Variants in COL19A1 observed in about 807,000 individuals in gnomAD.
COL19A1 encodes the protein collagen alpha-1(XIX) chain.
Under a neutral mutation model 190.2 loss-of-function variants are expected in COL19A1, and 159 were observed. The observed-to-expected ratio is 0.84, with a 90% confidence interval of 0.73 to 0.95. The LOEUF (loss-of-function observed/expected upper bound fraction) is 0.95. Ranked by LOEUF, COL19A1 falls within the 40% of genes least tolerant of loss-of-function variation. The probability of loss-of-function intolerance (pLI) is 0.00; values close to 1 mark genes in which losing one functional copy is unlikely to be tolerated. For missense variants in COL19A1, 1,418 were observed against 1,431.9 expected (o/e 0.99, Z 0.16); for synonymous variants, 509 against 458.9 (o/e 1.11, Z -1.39).
chr6:70,081,064 C>T (rs558034028), intron 15 of COL19A1, among the ~76,000 whole-genome samples: 2 of 152,164 alleles, frequency 1.3e-5, no homozygotes, highest in South Asian at 4.1e-4. Context: ...GCACTATTCC[C>T]TTTCTTTTTA....
chr6:69,971,695 A>G (rs1775433111), intron 11 of COL19A1, among the ~76,000 whole-genome samples: 1 of 152,204 alleles, frequency 6.6e-6, no homozygotes, highest in Admixed American at 6.5e-5. Flanking sequence ...CACTAAAATC[A>G]AGACTAAGAC....
At chr6:70,019,410 A>G (rs1415527760) in intron 11 of COL19A1, among the ~76,000 whole-genome samples, 1 of 152,146 alleles carries the variant, frequency 6.6e-6, no homozygotes, top group Non-Finnish European at 1.5e-5. Flanking sequence ...ATTATGGATA[A>G]TAGACTAATT....
intron 11 of COL19A1, among the ~76,000 whole-genome samples, chr6:70,005,065 T>C (rs1404411451): frequency 2.6e-5 from 4 of 152,032 alleles, no homozygotes; most frequent in East Asian, 1.9e-4. Context: ...ATCTCCTAAC[T>C]TCATGATGTG....
chr6:70,148,500 T>A (rs1458266555), intron 27 of COL19A1, among the ~76,000 whole-genome samples: 6 of 152,138 alleles, frequency 3.9e-5, no homozygotes, highest in Non-Finnish European at 8.8e-5. Context: ...TATATTGAAG[T>A]TATCATGAAA....
intron 4 of COL19A1, among the ~76,000 whole-genome samples, chr6:69,921,524 A>G (rs1404693167): frequency 5.6e-5 from 7 of 124,498 alleles, no homozygotes; most frequent in East Asian, 2.6e-4. Flanking sequence ...GTATATTCAT[A>G]TATATTCATG....
intron 14 of COL19A1, among the ~76,000 whole-genome samples, chr6:70,064,256 G>A (rs1209454596): frequency 6.6e-6 from 1 of 152,142 alleles, no homozygotes. Context: ...GAATCCAGCA[G>A]CACATCAAAA....
At chr6:70,140,059 G>T (rs1011752783) in intron 19 of COL19A1, among the ~76,000 whole-genome samples, 19 of 151,674 alleles carry the variant, frequency 1.3e-4, no homozygotes, top group African/African-American at 3.9e-4. Flanking sequence ...TATAAATAAA[G>T]CCTTGATCTA....
intron 14 of COL19A1, among the ~76,000 whole-genome samples, chr6:70,057,486 T>C (rs1780568333): frequency 6.6e-6 from 1 of 152,100 alleles, no homozygotes; most frequent in Non-Finnish European, 1.5e-5. Flanking sequence ...CCCAGAATAA[T>C]TACCAAAGCT....
chr6:69,875,148 C>T (rs2251206), intron 1 of COL19A1, among the ~76,000 whole-genome samples: 70,827 of 151,984 alleles, frequency 0.47, 16,869 homozygotes, highest in Middle Eastern at 0.56. Context: ...CGCATAGTAA[C>T]ATTTAAATTG....
intron 45 of COL19A1, 27 bp from the exon 46 acceptor site, chr6:70,184,844 A>G: frequency 6.2e-7 from 1 of 1,611,938 alleles, no homozygotes; most frequent in Non-Finnish European, 8.5e-7. Context: ...GCAAGGAGTG[A>G]TTTTCATGTT....
intron 14 of COL19A1, among the ~76,000 whole-genome samples, chr6:70,041,029 A>G (rs1185493519): frequency 6.6e-6 from 1 of 152,258 alleles, no homozygotes; most frequent in South Asian, 2.1e-4. Flanking sequence ...TCATATAGAG[A>G]TACGGAAAAA....
At chr6:69,915,763 G>T (rs1323002640) in intron 4 of COL19A1, among the ~76,000 whole-genome samples, 1 of 151,950 alleles carries the variant, frequency 6.6e-6, no homozygotes, top group Non-Finnish European at 1.5e-5. Context: ...TTCTACTGTT[G>T]TTCTTCCCAA....
At chr6:69,967,727 A>G (rs938041619) in intron 11 of COL19A1, among the ~76,000 whole-genome samples, 1 of 152,186 alleles carries the variant, frequency 6.6e-6, no homozygotes, top group Admixed American at 6.5e-5. Flanking sequence ...TTTAAATTAG[A>G]AAACTGTGTT....
intron 1 of COL19A1, among the ~76,000 whole-genome samples, chr6:69,871,400 T>C (rs1378610821): frequency 6.6e-6 from 1 of 152,232 alleles, no homozygotes; most frequent in Non-Finnish European, 1.5e-5. Flanking sequence ...CAAGAAGTTT[T>C]GATTTAAAAA....
chr6:69,902,461 T>C (rs1275310854), intron 4 of COL19A1, among the ~76,000 whole-genome samples: 1 of 152,120 alleles, frequency 6.6e-6, no homozygotes, highest in Non-Finnish European at 1.5e-5. Context: ...AATGTAAAAC[T>C]CCCAAAGACC....
chr6:70,150,039 T>A lies in COL19A1; in HGVS notation c.2031T>A (p.Gly677=). The A allele has an allele frequency of 6.2e-7, 1 of 1,613,720 alleles. No individual in the cohort carries two copies. The highest frequency in any genetic ancestry group is 8.5e-7 in the Non-Finnish European group (1 of 1,179,802). The part of the protein sequence containing the change: ...DGKPGLPGPP[G]DPIALPLLGD... ...AGCCAGGCCTGCCAGGCCCCCCAGG[T>A]GACCCGGTATGTAGACAAACCTTGT... The change falls in exon 30 of 51, where the codon GGT becomes GGA. Residue 677 remains glycine, a synonymous_variant. Coordinates refer to ENST00000620364, the MANE Select transcript of COL19A1 (RefSeq NM_001858.6).
intron 2 of COL19A1, 174 bp downstream of exon 2, chr6:69,879,832 A>T: frequency 1.6e-6 from 1 of 617,810 alleles, no homozygotes; most frequent in Non-Finnish European, 2.8e-6. Flanking sequence ...GGAATTCCTA[A>T]AATTACCTCA....
chr6:70,160,213 A>G (rs765293319), intron 34 of COL19A1, among the ~76,000 whole-genome samples: 3 of 152,066 alleles, frequency 2.0e-5, no homozygotes, highest in Non-Finnish European at 4.4e-5. Context: ...GAAACTTACA[A>G]TCATGACAGA....
At chr6:69,894,149 G>A (rs1385332850) in intron 2 of COL19A1, among the ~76,000 whole-genome samples, 1 of 152,174 alleles carries the variant, frequency 6.6e-6, no homozygotes. Context: ...ATTTGGCTGA[G>A]AATAAATCTC....
Sources: gnomAD v4.1 joint callset for allele counts (sites outside exome capture counted in the v4.1 genomes callset) on GRCh38, gnomAD v4.1.1 for gene constraint, MANE v1.5 for transcripts, NCBI Gene and HGNC (gene_info 2026-07-23, HGNC 2026-07-21) for gene names.